The following MYO5A variants were observed in gnomAD, a reference collection of about 807,000 sequenced individuals.
MYO5A encodes the protein myosin VA.
In MYO5A, 98 loss-of-function variants were observed where a neutral mutation model predicts 249.7. The observed-to-expected ratio is 0.39, with a 90% CI of 0.33 to 0.46. The LOEUF is 0.46. Among genes scored for constraint, MYO5A ranks in the 20% least tolerant of loss-of-function variants. The pLI, the probability that MYO5A is intolerant of heterozygous loss-of-function variation, is 0.98. For missense variants in MYO5A, 1,696 were observed against 2,308.8 expected (o/e 0.73, Z 5.44); for synonymous variants, 778 against 810.6 (o/e 0.96, Z 0.68).
At chr15:52,476,865 T>C (rs1463004192) in intron 1 of MYO5A, among the ~76,000 whole-genome samples, 3 of 152,190 alleles carry the variant, frequency 2.0e-5, no homozygotes, top group Non-Finnish European at 4.4e-5. Flanking sequence ...CTGACAATTA[T>C]GTGTCTTGGG....
intron 1 of MYO5A, among the ~76,000 whole-genome samples, chr15:52,450,304 C>T (rs2075988337): frequency 6.6e-6 from 1 of 151,826 alleles, no homozygotes; most frequent in African/African-American, 2.4e-5. Flanking sequence ...GTACTCAGAA[C>T]AGTGCTTAGT....
At chr15:52,419,085 A>G (rs549708386) in intron 4 of MYO5A, among the ~76,000 whole-genome samples, 224 of 152,348 alleles carry the variant, frequency 1.5e-3, no homozygotes, top group African/African-American at 5.2e-3. Flanking sequence ...TGAGTAATGT[A>G]TAACACGATT....
At position 52,364,666 on chromosome 15, in the gene MYO5A, T is replaced by A. The variant is rs748423039; in HGVS notation, c.3197A>T (p.Gln1066Leu). Residue 1066 changes from glutamine (Q) to leucine (L), a missense_variant, in exon 24 of 42, where the codon CAA becomes CTA. Physicochemically the swap from Gln to Leu is moderately radical, Grantham distance 113 (BLOSUM62 -2). Around this residue, in one of 5 missense-constraint regions of MYO5A, gnomAD observed 412 missense variants for 453.3 expected, o/e 0.91. Transcript: ENST00000399233. ...MEKKLVEETK[Q>L]LELDLNDERL... is the part of the protein sequence containing the mutation. Reference sequence around the variant, plus strand: ...TTCATCATTAAGGTCGAGTTCCAGTTGTTTCGTTTCTTCTACTAACTTCTT... The same window carrying A: ...TTCATCATTAAGGTCGAGTTCCAGTAGTTTCGTTTCTTCTACTAACTTCTT... 6.2e-7 allele frequency: 1 copy of A among 1,613,928 alleles called. No homozygotes were observed. The highest frequency in any genetic ancestry group is 8.5e-7 in the Non-Finnish European group (1 of 1,179,914).
chr15:52,525,639 T>C (rs929022831), intron 1 of MYO5A, among the ~76,000 whole-genome samples: 2 of 152,224 alleles, frequency 1.3e-5, no homozygotes, highest in Non-Finnish European at 2.9e-5. Flanking sequence ...AATACATCTT[T>C]CCTTGTAATC....
chr15:52,367,329 C>T (rs755196675), intron 22 of MYO5A, among the ~76,000 whole-genome samples: 7 of 152,190 alleles, frequency 4.6e-5, no homozygotes, highest in Non-Finnish European at 8.8e-5. Flanking sequence ...AATTAGCTGT[C>T]TTTTCCCTGT....
At chr15:52,325,089 C>G (rs2038532104) in intron 36 of MYO5A, among the ~76,000 whole-genome samples, 1 of 151,262 alleles carries the variant, frequency 6.6e-6, no homozygotes, top group African/African-American at 2.4e-5. Flanking sequence ...CTGCCTCTTC[C>G]AAAAATCTGG....
At position 52,376,417 on chromosome 15, in the gene MYO5A, T is replaced by G. The variant is rs2041418996; in HGVS notation, c.2350A>C (p.Lys784Gln). The change falls in exon 19 of 42, where the codon AAG becomes CAG. Residue 784 changes from lysine to glutamine, a missense_variant. Coordinates refer to ENST00000399233, the MANE Select transcript of MYO5A (RefSeq NM_001382347.1). The stretch of plus-strand genomic sequence containing the variant: ...GCCTTCCGCATGCGTAGGTACTTCT[T>G]TCTCAGCAGCCACCCTCGGATGGTC... ...QKTIRGWLLR[K>Q]KYLRMRKAAI... 6.2e-7 allele frequency: 1 copy of G among 1,614,170 alleles called. No homozygotes were observed. Among genetic ancestry groups the G allele is most frequent in the Non-Finnish European group, 8.5e-7 (1 of 1,180,026 alleles).
intron 6 of MYO5A, 80 bp downstream of exon 6, chr15:52,410,252 TA>T (rs2043190738): frequency 2.1e-6 from 3 of 1,455,742 alleles, no homozygotes; most frequent in Admixed American, 3.3e-5. Flanking sequence ...TATCTTGAAA[TA>T]AAATGCATAC....
intron 25 of MYO5A, among the ~76,000 whole-genome samples, chr15:52,357,363 A>C (rs1195691734): frequency 6.6e-6 from 1 of 151,978 alleles, no homozygotes; most frequent in Non-Finnish European, 1.5e-5. Flanking sequence ...ATCACTTGGA[A>C]ATCATTCCTT....
At chr15:52,390,033 A>G (rs4264348) in intron 12 of MYO5A, among the ~76,000 whole-genome samples, 1 of 152,210 alleles carries the variant, frequency 6.6e-6, no homozygotes. Flanking sequence ...AAATTCTGTT[A>G]AACAGAAAGA....
intron 22 of MYO5A, among the ~76,000 whole-genome samples, chr15:52,369,673 T>C (rs972184083): frequency 6.6e-6 from 1 of 152,076 alleles, no homozygotes; most frequent in African/African-American, 2.4e-5. Context: ...TGTCTAATGT[T>C]CCATTATTAG....
At chr15:52,510,609 C>T (rs1004278550) in intron 1 of MYO5A, among the ~76,000 whole-genome samples, 16 of 151,932 alleles carry the variant, frequency 1.1e-4, no homozygotes, top group African/African-American at 3.9e-4. Flanking sequence ...CTCATAGGAG[C>T]ATGAACCCTA....
chr15:52,386,619 C>T (rs910009219), intron 14 of MYO5A, among the ~76,000 whole-genome samples: 2 of 151,852 alleles, frequency 1.3e-5, no homozygotes, highest in African/African-American at 4.8e-5. Flanking sequence ...ACAATTACGG[C>T]TCACTGCAGC....
chr15:52,315,962 C>T (rs2037986589), intron 40 of MYO5A, among the ~76,000 whole-genome samples: 1 of 151,982 alleles, frequency 6.6e-6, no homozygotes, highest in African/African-American at 2.4e-5. Flanking sequence ...TGGCTGGGCA[C>T]TGTGGCTCAC....
chr15:52,380,175 CCT>C (rs2041658445), intron 16 of MYO5A, among the ~76,000 whole-genome samples: 2 of 152,188 alleles, frequency 1.3e-5, no homozygotes, highest in Non-Finnish European at 2.9e-5. Context: ...GTAGCTCACA[CCT>C]ATAATCCCAG....
At position 52,389,180 on chromosome 15, in the gene MYO5A, T is replaced by C. The variant is rs1405184; in HGVS notation, c.1668+58A>G. On this transcript the variant is annotated intron_variant, in intron 13 of 41. Coordinates refer to ENST00000399233, the MANE Select transcript of MYO5A (RefSeq NM_001382347.1). ...GAAAAAAAAAGATACCTCCTGACTA[T>C]TGGGTTTTTTCCACATTTAAGTATT... 268,927 of 1,549,272 alleles carry C rather than the reference T, an allele frequency of 0.17. 31,742 individuals carry two copies. The highest frequency in any genetic ancestry group is 0.57 in the East Asian group (24,984 of 44,144).
At chr15:52,433,115 T>G (rs375217199) in intron 2 of MYO5A, 60 bp downstream of exon 2, 4 of 1,241,744 alleles carry the variant, frequency 3.2e-6, no homozygotes, top group African/African-American at 3.0e-5. Flanking sequence ...CACAGTAAAT[T>G]TACACTTTTG....
intron 1 of MYO5A, among the ~76,000 whole-genome samples, chr15:52,507,484 T>C (rs562362629): frequency 6.6e-6 from 1 of 152,270 alleles, no homozygotes; most frequent in South Asian, 2.1e-4. Context: ...ATTTTAATAG[T>C]GTACATAGCT....
chr15:52,384,112 G>A (rs2041876825), intron 15 of MYO5A, 49 bp downstream of exon 15: 2 of 1,611,246 alleles, frequency 1.2e-6, no homozygotes, highest in Non-Finnish European at 1.7e-6. Context: ...TGAGGTTTCA[G>A]ATGAGCCAGA....
Sources: gnomAD v4.1 joint callset for allele counts (sites outside exome capture counted in the v4.1 genomes callset) on GRCh38, gnomAD v4.1.1 for gene constraint, gnomAD v4.1.1 regional missense constraint, MANE v1.5 for transcripts, NCBI Gene and HGNC (gene_info 2026-07-23, HGNC 2026-07-21) for gene names.